Variants in PABPC1 observed in about 807,000 individuals in gnomAD.
PABPC1 encodes polyadenylate-binding protein 1.
PABPC1 carries 4 observed loss-of-function variants against 74.0 expected under a neutral mutation model. That is an observed-to-expected ratio of 0.05 (90% CI 0.03 to 0.12). The LOEUF (loss-of-function observed/expected upper bound fraction) is 0.12. Ranked by LOEUF, PABPC1 falls within the 10% of genes least tolerant of loss-of-function variation. The pLI, the probability that PABPC1 is intolerant of heterozygous loss-of-function variation, is 1.00. For missense variants in PABPC1, 271 were observed against 821.1 expected (o/e 0.33, Z 8.19); for synonymous variants, 227 against 264.1 (o/e 0.86, Z 1.36).
At chr8:100,706,248 ACTAT>A (rs1219565945) in intron 11 of PABPC1, among the ~76,000 whole-genome samples, 1 of 152,256 alleles carries the variant, frequency 6.6e-6, no homozygotes, top group Non-Finnish European at 1.5e-5. Flanking sequence ...CATTTTACAT[ACTAT>A]CATATTAGCA....
At chr8:100,718,439 A>C (rs1810727546) in intron 1 of PABPC1, among the ~76,000 whole-genome samples, 159 bp from the exon 2 acceptor site, 1 of 152,228 alleles carries the variant, frequency 6.6e-6, no homozygotes, top group African/African-American at 2.4e-5. Context: ...CAAGTATCAC[A>C]CACTAGTGTG....
chr8:100,711,299 C>G (rs765051551), intron 7 of PABPC1, among the ~76,000 whole-genome samples: 3 of 151,902 alleles, frequency 2.0e-5, no homozygotes, highest in Non-Finnish European at 4.4e-5. Flanking sequence ...AAAAAAAACA[C>G]CTCATAAGTT....
At chr8:100,717,132 T>G (rs1158842252) in intron 3 of PABPC1, among the ~76,000 whole-genome samples, 5 of 152,160 alleles carry the variant, frequency 3.3e-5, no homozygotes. Flanking sequence ...TGCCTCAGCC[T>G]CCCGAGTAGC....
At chr8:100,716,933 A>G (rs1177632853) in intron 3 of PABPC1, among the ~76,000 whole-genome samples, 1 of 152,180 alleles carries the variant, frequency 6.6e-6, no homozygotes, top group Non-Finnish European at 1.5e-5. Context: ...ACAGCAACAT[A>G]TCATTCTTTT....
rs138120374 is a variant in PABPC1, at chr8:100,713,955, A to T, written c.644-774T>A. 3.3e-3 allele frequency among the ~76,000 whole-genome samples: 505 copies of T among 152,330 alleles called. 9 individuals carry two copies. Among genetic ancestry groups the T allele is most frequent in the African/African-American group, 0.012 (489 of 41,576 alleles). ...AAAATTCTTTTTAAAGACACAGGTG[A>T]ACTACCTGGAAGAGGAAGCATTTAT... On this transcript the variant is annotated intron_variant, in intron 4 of 14. Coordinates refer to ENST00000318607, the MANE Select transcript of PABPC1 (RefSeq NM_002568.4).
Position 100,721,383 on chromosome 8 carries a change from G to C in PABPC1, c.193+8C>G, listed in dbSNP as rs751949849. ...CCCGCCCGGCCGACCGCGGAGCCCG[G>C]CGCTCACCGTCCGCCGGCTGCTGGA... On this transcript the variant is annotated splice_region_variant and intron_variant, in intron 1 of 14. Transcript: ENST00000318607. This position sits in a 1 kb window ranked among gnomAD's most constrained non-coding sequence, Gnocchi z 7.4. 21 of 1,513,616 alleles carry C rather than the reference G, an allele frequency of 1.4e-5. No homozygotes were observed. Among genetic ancestry groups the C allele is most frequent in the Non-Finnish European group, 1.8e-5 (20 of 1,126,372 alleles). 93.8% of individuals were successfully genotyped at this position (1,513,616 alleles called of 1,614,324 possible).
intron 3 of PABPC1, among the ~76,000 whole-genome samples, chr8:100,716,969 C>T (rs757488724): frequency 5.3e-5 from 8 of 152,036 alleles, no homozygotes; most frequent in Non-Finnish European, 1.0e-4. Flanking sequence ...GTTGGGCTTG[C>T]TTTTTTTTCC....
At chr8:100,707,409 G>GTAAA (rs1302425535) in intron 9 of PABPC1, among the ~76,000 whole-genome samples, 1 of 152,122 alleles carries the variant, frequency 6.6e-6, no homozygotes, top group Admixed American at 6.5e-5. Flanking sequence ...AAGGGGCAGG[G>GTAAA]TAAAGAGTGT....
chr8:100,717,325 T>A (rs1810697444), intron 3 of PABPC1, among the ~76,000 whole-genome samples: 1 of 152,198 alleles, frequency 6.6e-6, no homozygotes, highest in African/African-American at 2.4e-5. Context: ...GTAATGTATG[T>A]CTCTCATTTT....
chr8:100,719,986 A>G (rs747357676), intron 1 of PABPC1, among the ~76,000 whole-genome samples: 15 of 152,260 alleles, frequency 9.9e-5, no homozygotes, highest in Non-Finnish European at 2.2e-4. Context: ...GTCACTCAAT[A>G]TTCTGCTTCC....
chr8:100,704,666 G>C (rs1360303935), intron 13 of PABPC1, among the ~76,000 whole-genome samples: 1 of 152,228 alleles, frequency 6.6e-6, no homozygotes, highest in East Asian at 1.9e-4. Context: ...GCAGTTGAGA[G>C]TATGGCTGTT....
Position 100,702,951 on chromosome 8 carries a change from T to A in PABPC1, c.*410A>T, listed in dbSNP as rs1406287689. 1.3e-5 allele frequency: 2 copies of A among 153,336 alleles called. No homozygotes were observed. The highest frequency in any genetic ancestry group is 2.9e-5 in the Non-Finnish European group (2 of 68,068). 9.5% of individuals were successfully genotyped at this position (153,336 alleles called of 1,614,324 possible). ...GGAATTTTTATTAAAGCAAGAATTTTATAATCCAAATTACGTTTCCTTGCT... is the reference window on the plus strand; with the variant it reads ...GGAATTTTTATTAAAGCAAGAATTTAATAATCCAAATTACGTTTCCTTGCT... On this transcript the variant is annotated 3_prime_UTR_variant, in exon 15 of 15. Transcript: ENST00000318607.
intron 6 of PABPC1, 56 bp downstream of exon 6, chr8:100,712,596 C>A (rs7825705): frequency 6.4e-7 from 1 of 1,569,364 alleles, no homozygotes; most frequent in African/African-American, 1.4e-5. Context: ...CTGAAATCAA[C>A]GTAAAATAGG....
At chr8:100,705,563 T>C (rs1487723956) in intron 12 of PABPC1, 26 bp downstream of exon 12, 7 of 1,455,602 alleles carry the variant, frequency 4.8e-6, no homozygotes, top group Non-Finnish European at 6.8e-6. Flanking sequence ...CTTTCTGAAC[T>C]GACAAGGTGG....
Position 100,702,992 on chromosome 8 carries a change from T to C in PABPC1, c.*369A>G, listed in dbSNP as rs1281043127. On this transcript the variant is annotated 3_prime_UTR_variant, in exon 15 of 15. Coordinates refer to ENST00000318607, the MANE Select transcript of PABPC1 (RefSeq NM_002568.4). ...TTTCCTTGCTCAGTTATCAATTCTGTTACTTAAAACAGAACTGACATTCTG... is the reference window on the plus strand; with the variant it reads ...TTTCCTTGCTCAGTTATCAATTCTGCTACTTAAAACAGAACTGACATTCTG... 1.4e-4 allele frequency: 21 copies of C among 155,014 alleles called. No homozygotes were observed. The highest frequency in any genetic ancestry group is 4.3e-4 in the African/African-American group (18 of 41,482). The allele number at this position is 155,014 out of a possible 1,614,324, so 9.6% of individuals were successfully genotyped here.
chr8:100,721,324 CCCGCCG>C lies in PABPC1; in HGVS notation c.193+61_193+66del. The stretch of plus-strand genomic sequence containing the variant: ...TCCCCGGGCCCGCCGGCCTACCCCG[CCCGCCG>C]CCGCCGCCCGAGCCTCATGGCCGCC... On this transcript the variant is annotated intron_variant, in intron 1 of 14. Coordinates refer to ENST00000318607, the MANE Select transcript of PABPC1 (RefSeq NM_002568.4). The surrounding 1 kb of genome is among the most constrained non-coding windows in gnomAD (Gnocchi z 7.4). 1 of 947,498 alleles carries C rather than the reference CCCGCCG, an allele frequency of 1.1e-6. No homozygotes were observed. The highest frequency in any genetic ancestry group is 1.8e-5 in the African/African-American group (1 of 56,410). 58.7% of individuals were successfully genotyped at this position (947,498 alleles called of 1,614,324 possible). A position where few individuals can be genotyped will look rare whatever the true frequency, so the allele number is the denominator to read the frequency against.
intron 11 of PABPC1, 114 bp downstream of exon 11, chr8:100,706,537 T>G: frequency 1.1e-6 from 1 of 889,006 alleles, no homozygotes; most frequent in Non-Finnish European, 1.7e-6. Context: ...TCTGCCTGCC[T>G]CAACCTCCCA....
intron 7 of PABPC1, among the ~76,000 whole-genome samples, chr8:100,710,675 G>A (rs1045605068): frequency 1.3e-5 from 2 of 152,214 alleles, no homozygotes; most frequent in African/African-American, 4.8e-5. Context: ...AAAATTCGAA[G>A]AAAATATTTC....
intron 9 of PABPC1, among the ~76,000 whole-genome samples, chr8:100,708,593 T>C (rs555114059): frequency 7.4e-4 from 112 of 152,322 alleles, no homozygotes; most frequent in African/African-American, 2.6e-3. Flanking sequence ...AATATGAAAT[T>C]GGCTGGGTGC....
Sources: gnomAD v4.1 joint callset for allele counts (sites outside exome capture counted in the v4.1 genomes callset) on GRCh38, gnomAD v4.1.1 for gene constraint, Gnocchi (gnomAD v3.1) non-coding constraint, MANE v1.5 for transcripts, NCBI Gene and HGNC (gene_info 2026-07-23, HGNC 2026-07-21) for gene names.